GRID1: variants seen among roughly 807,000 people sequenced by gnomAD.
The protein encoded by GRID1 is glutamate receptor ionotropic, delta-1.
GRID1 carries 28 observed loss-of-function variants against 98.0 expected under a neutral mutation model. That is an observed-to-expected ratio of 0.29 (90% confidence interval 0.21 to 0.39). The LOEUF (loss-of-function observed/expected upper bound fraction) is 0.39, where lower values mean the gene tolerates loss of function less well. Ranked by LOEUF, GRID1 falls within the 10% of genes least tolerant of loss-of-function variation. GRID1 has a pLI of 1.00. For missense variants in GRID1, 1,111 were observed against 1,340.5 expected, an observed-to-expected ratio of 0.83 and a Z score of 2.67; for synonymous variants, 553 against 538.5, an observed-to-expected ratio of 1.03 and a Z score of -0.37.
chr10:85,920,011 T>A (rs1841680212), intron 4 of GRID1, among the ~76,000 whole-genome samples: 1 of 152,072 alleles, frequency 6.6e-6, no homozygotes, highest in African/African-American at 2.4e-5. Flanking sequence ...TGCACACCCC[T>A]AACCAGGGGC....
chr10:86,041,952 C>T (rs1843352041), intron 4 of GRID1, among the ~76,000 whole-genome samples: 1 of 152,192 alleles, frequency 6.6e-6, no homozygotes, highest in Non-Finnish European at 1.5e-5. Flanking sequence ...GGTAGGTGAA[C>T]CTTCCTATCT....
chr10:86,235,559 C>G (rs957671285), intron 2 of GRID1, among the ~76,000 whole-genome samples: 2 of 152,214 alleles, frequency 1.3e-5, no homozygotes, highest in East Asian at 3.8e-4. Flanking sequence ...CTGCTTCCAC[C>G]CCCAGCTACA....
intron 4 of GRID1, among the ~76,000 whole-genome samples, chr10:86,119,462 G>C (rs1388195295): frequency 6.6e-6 from 1 of 152,102 alleles, no homozygotes; most frequent in African/African-American, 2.4e-5. Flanking sequence ...TAAAAATGGG[G>C]AAAACTGGGT....
chr10:86,240,622 C>A (rs919390097), intron 2 of GRID1, among the ~76,000 whole-genome samples: 1 of 152,116 alleles, frequency 6.6e-6, no homozygotes, highest in Non-Finnish European at 1.5e-5. Flanking sequence ...AGAGCTGGGA[C>A]CCTTGAAAAG....
intron 14 of GRID1, among the ~76,000 whole-genome samples, chr10:85,617,677 C>T (rs1235665689): frequency 2.0e-5 from 3 of 152,184 alleles, no homozygotes; most frequent in African/African-American, 7.2e-5. Context: ...GGTGACATTT[C>T]CTTATAATCA....
chr10:86,070,380 G>A (rs1397482858), intron 4 of GRID1, among the ~76,000 whole-genome samples: 1 of 152,168 alleles, frequency 6.6e-6, no homozygotes, highest in Non-Finnish European at 1.5e-5. Flanking sequence ...ACCAGAGAGT[G>A]TCTTTCCAGA....
At chr10:86,128,785 C>G (rs1421779992) in intron 4 of GRID1, among the ~76,000 whole-genome samples, 2 of 152,156 alleles carry the variant, frequency 1.3e-5, no homozygotes, top group Admixed American at 1.3e-4. Flanking sequence ...GCCCTTCATG[C>G]CCATATCTTT....
At chr10:86,352,792 C>T (rs2132117844) in intron 2 of GRID1, among the ~76,000 whole-genome samples, 1 of 152,316 alleles carries the variant, frequency 6.6e-6, no homozygotes, top group Non-Finnish European at 1.5e-5. Context: ...GACACAAGAA[C>T]TCTGGCATCT....
intron 8 of GRID1, among the ~76,000 whole-genome samples, chr10:85,786,662 C>T (rs959732153): frequency 2.6e-5 from 4 of 152,224 alleles, no homozygotes; most frequent in African/African-American, 7.2e-5. Flanking sequence ...TTTAGATAAG[C>T]GGCACTAAAA....
chr10:86,150,223 G>T (rs567474334), intron 3 of GRID1, among the ~76,000 whole-genome samples: 38 of 152,184 alleles, frequency 2.5e-4, no homozygotes, highest in Admixed American at 6.5e-5. Flanking sequence ...AGCTGAAGTC[G>T]CCCAGTGAGA....
At chr10:85,968,221 C>T (rs901914039) in intron 4 of GRID1, among the ~76,000 whole-genome samples, 18 of 151,846 alleles carry the variant, frequency 1.2e-4, no homozygotes, top group African/African-American at 4.1e-4. Flanking sequence ...GAGGCCGAGG[C>T]GGGTGGATCA....
intron 4 of GRID1, among the ~76,000 whole-genome samples, chr10:86,018,959 C>G (rs1843013920): frequency 6.6e-6 from 1 of 152,212 alleles, no homozygotes; most frequent in Non-Finnish European, 1.5e-5. Context: ...AAGATACTGA[C>G]AATGTGGGCT....
chr10:85,989,851 C>T (rs1210958605), intron 4 of GRID1, among the ~76,000 whole-genome samples: 1 of 152,166 alleles, frequency 6.6e-6, no homozygotes, highest in African/African-American at 2.4e-5. Flanking sequence ...ACTCCCAAGA[C>T]GATGGTATTA....
At chr10:86,062,733 C>A (rs191616953) in intron 4 of GRID1, among the ~76,000 whole-genome samples, 1 of 152,222 alleles carries the variant, frequency 6.6e-6, no homozygotes, top group Non-Finnish European at 1.5e-5. Flanking sequence ...CCTTCCAGAC[C>A]GTAAGCTCCT....
intron 12 of GRID1, among the ~76,000 whole-genome samples, chr10:85,664,955 T>C (rs1385904071): frequency 1.3e-5 from 2 of 152,166 alleles, no homozygotes; most frequent in Non-Finnish European, 2.9e-5. Context: ...ACTTAGGCAG[T>C]TTCTAGTACA....
chr10:85,723,231 AG>A, intron 11 of GRID1, 90 bp from the exon 12 acceptor site: 1 of 1,312,862 alleles, frequency 7.6e-7, no homozygotes, highest in Non-Finnish European at 1.0e-6. Flanking sequence ...CCAGGCACAC[AG>A]GCCATCACTC....
intron 12 of GRID1, among the ~76,000 whole-genome samples, chr10:85,714,346 C>T (rs965071241): frequency 1.3e-5 from 2 of 151,872 alleles, no homozygotes; most frequent in Non-Finnish European, 2.9e-5. Flanking sequence ...GTACATCAAA[C>T]CCCCATGACA....
intron 4 of GRID1, among the ~76,000 whole-genome samples, chr10:85,966,042 T>C (rs1842332479): frequency 1.3e-5 from 2 of 152,192 alleles, no homozygotes; most frequent in African/African-American, 4.8e-5. Flanking sequence ...TGGAGCGTCT[T>C]AAAAAGTTCC....
At chr10:85,796,902 C>A (rs1842530531) in intron 8 of GRID1, among the ~76,000 whole-genome samples, 1 of 152,124 alleles carries the variant, frequency 6.6e-6, no homozygotes, top group African/African-American at 2.4e-5. Context: ...ACAAGGAAGG[C>A]TTCATTGGTT....
Sources: gnomAD v4.1 joint callset for allele counts (sites outside exome capture counted in the v4.1 genomes callset) on GRCh38, gnomAD v4.1.1 for gene constraint, MANE v1.5 for transcripts, NCBI Gene and HGNC (gene_info 2026-07-23, HGNC 2026-07-21) for gene names.